MIGA1: variants seen among roughly 807,000 people sequenced by gnomAD.
MIGA1 encodes the protein mitoguardin 1, also known as family with sequence similarity 73, member A.
Under a neutral mutation model 82.0 loss-of-function variants are expected in MIGA1, and 58 were observed. The ratio of observed to expected loss-of-function variants is 0.71; its 90% CI spans 0.57 to 0.88. The LOEUF (loss-of-function observed/expected upper bound fraction) is 0.88. MIGA1 is among the 40% of genes least tolerant of loss of function. MIGA1 has a pLI of 0.00. For missense variants in MIGA1, 751 were observed against 749.1 expected (o/e 1.00, Z -0.03); for synonymous variants, 249 against 253.6 (o/e 0.98, Z 0.17).
At chr1:77,860,008 T>A in intron 10 of MIGA1, 32 bp from the exon 11 acceptor site, 1 of 1,420,212 alleles carries the variant, frequency 7.0e-7, no homozygotes, top group Non-Finnish European at 9.9e-7. Flanking sequence ...ATTATAGGTC[T>A]CTTTTTTCTT....
intron 7 of MIGA1, among the ~76,000 whole-genome samples, chr1:77,829,709 G>T (rs1215219850): frequency 1.3e-5 from 2 of 152,092 alleles, no homozygotes; most frequent in African/African-American, 4.8e-5. Flanking sequence ...GATCTCAAGT[G>T]ATCCTCCCAT....
chr1:77,830,381 A>G (rs1183762155), intron 7 of MIGA1, among the ~76,000 whole-genome samples: 1 of 152,098 alleles, frequency 6.6e-6, no homozygotes, highest in Admixed American at 6.6e-5. Flanking sequence ...TACATTTTCT[A>G]ATTTGTCATT....
intron 7 of MIGA1, among the ~76,000 whole-genome samples, chr1:77,830,443 A>T (rs1229149359): frequency 1.3e-5 from 2 of 152,178 alleles, no homozygotes; most frequent in African/African-American, 2.4e-5. Flanking sequence ...AACTCTTGTG[A>T]ACTCTTATTA....
intron 7 of MIGA1, among the ~76,000 whole-genome samples, chr1:77,818,511 T>C (rs1270061418): frequency 6.6e-6 from 1 of 152,124 alleles, no homozygotes; most frequent in Admixed American, 6.5e-5. Flanking sequence ...GCCCACCTAG[T>C]ACATGGTAAC....
intron 12 of MIGA1, chr1:77,861,568 C>T: frequency 2.4e-6 from 1 of 413,128 alleles, no homozygotes. Flanking sequence ...GTCCTCCTTC[C>T]CTTGTTCCCT....
At chr1:77,867,540 C>A (rs981497002) in intron 14 of MIGA1, among the ~76,000 whole-genome samples, 8 of 152,186 alleles carry the variant, frequency 5.3e-5, no homozygotes, top group Non-Finnish European at 1.2e-4. Context: ...GTTGCCCAGG[C>A]TGGCCTCAAA....
Position 77,843,471 on chromosome 1 carries a change from C to A in MIGA1, c.996+64C>A. 4 of 1,213,880 alleles carry A rather than the reference C, an allele frequency of 3.3e-6. No homozygotes were observed. In the South Asian group the frequency reaches 3.7e-5, roughly 11 times the overall value. 75.2% of individuals were successfully genotyped at this position (1,213,880 alleles called of 1,614,324 possible). A position where few individuals can be genotyped will look rare whatever the true frequency, so the allele number is the denominator to read the frequency against. ...TTTTTGGTGGAAACAACAGTCTTGT[C>A]ATTATACTGTAATTCAGTTTGGTCA... On this transcript the variant is annotated intron_variant, in intron 8 of 15. Coordinates refer to ENST00000370791, the MANE Select transcript of MIGA1 (RefSeq NM_198549.4).
chr1:77,801,474 A>G lies in MIGA1; in HGVS notation c.339A>G (p.Ile113Met), dbSNP rs1315445499. ...TACCATGGGAACCAGAGCACCTCAT[A>G]CTTGAATACACTAAAAGAGCAGCAT... Residue 113 changes from isoleucine (I) to methionine (M), a missense_variant, in exon 3 of 16, where the codon ATA becomes ATG. By Grantham distance (10) the Ile-to-Met change is conservative. Transcript: ENST00000370791. 2 of 1,603,176 alleles carry G rather than the reference A, an allele frequency of 1.2e-6. No individual in the cohort carries two copies. Among genetic ancestry groups the G allele is most frequent in the Admixed American group, 1.8e-5 (1 of 56,082 alleles).
At position 77,783,363 on chromosome 1, in the gene MIGA1, A is replaced by C. The variant is rs1265014166; in HGVS notation, c.195+12A>C. ...ATTCTCTCTCCCAGGTAAATAAAAGAAGCAAACAGGAAGTTGAATATTAAG... is the reference window on the plus strand; with the variant it reads ...ATTCTCTCTCCCAGGTAAATAAAAGCAGCAAACAGGAAGTTGAATATTAAG... On this transcript the variant is annotated intron_variant, in intron 2 of 15. Transcript: ENST00000370791. The C allele has an allele frequency of 6.7e-7, 1 of 1,484,180 alleles. No individual in the cohort carries two copies. Among genetic ancestry groups the C allele is most frequent in the African/African-American group, 1.4e-5 (1 of 72,526 alleles). The allele number at this position is 1,484,180 out of a possible 1,614,324, so 91.9% of individuals were successfully genotyped here. A position where few individuals can be genotyped will look rare whatever the true frequency, so the allele number is the denominator to read the frequency against.
intron 2 of MIGA1, among the ~76,000 whole-genome samples, chr1:77,789,196 G>T (rs908681338): frequency 6.9e-6 from 1 of 144,284 alleles, no homozygotes; most frequent in Non-Finnish European, 1.5e-5. Flanking sequence ...TGTGGGGGGC[G>T]GTTGCTTTTT....
At chr1:77,814,273 T>C (rs1683490411) in intron 6 of MIGA1, among the ~76,000 whole-genome samples, 1 of 152,184 alleles carries the variant, frequency 6.6e-6, no homozygotes, top group South Asian at 2.1e-4. Flanking sequence ...TGGGACAATG[T>C]GGGGTATTTC....
At chr1:77,786,057 G>A (rs1282522282) in intron 2 of MIGA1, among the ~76,000 whole-genome samples, 2 of 152,214 alleles carry the variant, frequency 1.3e-5, no homozygotes, top group African/African-American at 4.8e-5. Flanking sequence ...AAATCTAGGT[G>A]GAGGTTCCCA....
intron 4 of MIGA1, 98 bp from the exon 5 acceptor site, chr1:77,806,877 C>T (rs1683120597): frequency 4.8e-6 from 4 of 831,670 alleles, no homozygotes; most frequent in Non-Finnish European, 5.5e-6. Context: ...ATTGTCTTAC[C>T]ACTAATAGGA....
At chr1:77,838,425 T>C (rs1393522539) in intron 7 of MIGA1, among the ~76,000 whole-genome samples, 1 of 151,848 alleles carries the variant, frequency 6.6e-6, no homozygotes, top group Non-Finnish European at 1.5e-5. Context: ...ATGCTCAGGC[T>C]AATTACCTTC....
intron 7 of MIGA1, among the ~76,000 whole-genome samples, chr1:77,837,626 T>C (rs1245151131): frequency 1.3e-5 from 2 of 152,188 alleles, no homozygotes; most frequent in East Asian, 3.8e-4. Flanking sequence ...AAAATAAATG[T>C]TTATTTTGAT....
At chr1:77,794,810 G>GGC (rs1210089348) in intron 2 of MIGA1, among the ~76,000 whole-genome samples, 1 of 151,968 alleles carries the variant, frequency 6.6e-6, no homozygotes, top group Admixed American at 6.6e-5. Context: ...TTTGAAAAAA[G>GGC]GCACACACAC....
At chr1:77,791,348 G>A (rs1427822572) in intron 2 of MIGA1, among the ~76,000 whole-genome samples, 1 of 151,072 alleles carries the variant, frequency 6.6e-6, no homozygotes, top group Non-Finnish European at 1.5e-5. Context: ...ATGCCCTTGA[G>A]TTCCAGCAAA....
chr1:77,846,670 G>A (rs987700683), intron 8 of MIGA1, among the ~76,000 whole-genome samples: 2 of 151,388 alleles, frequency 1.3e-5, no homozygotes, highest in African/African-American at 2.4e-5. Context: ...TACCTCGGCC[G>A]GGACTGCTGG....
At chr1:77,792,011 A>G (rs1682447870) in intron 2 of MIGA1, among the ~76,000 whole-genome samples, 1 of 152,216 alleles carries the variant, frequency 6.6e-6, no homozygotes, top group Non-Finnish European at 1.5e-5. Flanking sequence ...TAGATGTTCT[A>G]ATATAACTGA....
Sources: allele counts gnomAD v4.1 joint callset (sites outside exome capture counted in the v4.1 genomes callset), GRCh38; gene constraint gnomAD v4.1.1; transcripts MANE v1.5; gene names NCBI Gene and HGNC (gene_info 2026-07-23, HGNC 2026-07-21).